Variants in NTPCR observed in about 807,000 individuals in gnomAD.
The protein encoded by NTPCR is cancer-related nucleoside-triphosphatase.
NTPCR carries 15 observed loss-of-function variants against 19.5 expected under a neutral mutation model. The observed-to-expected ratio is 0.77, with a 90% confidence interval of 0.51 to 1.18. NTPCR has a LOEUF of 1.18. NTPCR is among the 50% of genes most tolerant of loss of function. The pLI is 0.00. For synonymous variants in NTPCR, 90 were observed against 95.8 expected, an observed-to-expected ratio of 0.94 and a Z score of 0.36; for missense variants, 206 against 240.4, an observed-to-expected ratio of 0.86 and a Z score of 0.95.
chr1:232,962,255 AT>A (rs975847866), intron 3 of NTPCR: 4 of 152,194 alleles, frequency 2.6e-5, no homozygotes, highest in African/African-American at 7.2e-5. Flanking sequence ...ATTAAAAAAA[AT>A]GTCTTATATG....
chr1:232,964,974 G>A (rs563684345), intron 3 of NTPCR: 3 of 152,244 alleles, frequency 2.0e-5, no homozygotes, highest in South Asian at 4.1e-4. Flanking sequence ...CCGTCTTCTC[G>A]GGGTGTGCTC....
intron 3 of NTPCR, chr1:232,966,596 G>A (rs1321563265): frequency 6.6e-6 from 1 of 152,166 alleles, no homozygotes; most frequent in African/African-American, 2.4e-5. Flanking sequence ...GAAGATATTT[G>A]TTGTTCTAAT....
At chr1:232,968,972 A>G (rs1456834357) in intron 3 of NTPCR, 1 of 152,230 alleles carries the variant, frequency 6.6e-6, no homozygotes, top group East Asian at 1.9e-4. Flanking sequence ...ATATGTTGCT[A>G]TGGAACAAGT....
intron 4 of NTPCR, among the ~76,000 whole-genome samples, chr1:232,972,236 CT>C (rs1427782509): frequency 6.6e-6 from 1 of 152,086 alleles, no homozygotes; most frequent in Non-Finnish European, 1.5e-5. Context: ...CTGACATACC[CT>C]GTTTTTTTTT....
intron 4 of NTPCR, among the ~76,000 whole-genome samples, chr1:232,973,585 C>T (rs1458726200): frequency 2.6e-5 from 4 of 152,268 alleles, no homozygotes; most frequent in Admixed American, 6.5e-5. Context: ...CAGCAGATCT[C>T]AACAGCAAGG....
intron 1 of NTPCR, among the ~76,000 whole-genome samples, chr1:232,951,345 A>G (rs1272940104): frequency 6.6e-6 from 1 of 151,092 alleles, no homozygotes; most frequent in African/African-American, 2.4e-5. Flanking sequence ...CTTCTCAGAC[A>G]CTCTTGCTTG....
rs142773637 is a variant in NTPCR at position 232,955,611 on chromosome 1, G to C, written c.89G>C (p.Gly30Ala). 1.5e-5 allele frequency: 24 copies of C among 1,612,106 alleles called. No individual in the cohort carries two copies. In the African/African-American group the frequency reaches 2.1e-4, roughly 14 times the overall value. Residue 30 changes from glycine to alanine, a missense_variant, in exon 2 of 5, where the codon GGT becomes GCT. Coordinates refer to ENST00000366628, the MANE Select transcript of NTPCR (RefSeq NM_032324.3). ...GCCAGTGAGGTTTTAAAATCCTCTG[G>C]TGTGCCTGTTGATGGATTTTATACC... ...HKASEVLKSS[G>A]VPVDGFYTEE...
chr1:232,981,534 G>A lies in NTPCR; in HGVS notation c.*3303G>A, dbSNP rs746864614. On this transcript the variant is annotated 3_prime_UTR_variant, in exon 5 of 5. Transcript: ENST00000366628. Reference sequence around the variant, plus strand: ...AAACAGGCATTGCATTGCACATTTTGTGGGCAAAGAAGTTGAAGCATCGCA... The same window carrying A: ...AAACAGGCATTGCATTGCACATTTTATGGGCAAAGAAGTTGAAGCATCGCA... The A allele has an allele frequency of 3.3e-5, 5 of 152,142 alleles. No homozygotes were observed. Among genetic ancestry groups the A allele is most frequent in the Non-Finnish European group, 7.3e-5 (5 of 68,028 alleles). The allele number at this position is 152,142 out of a possible 1,614,324, so 9.4% of individuals were successfully genotyped here.
In NTPCR at chr1:232,981,048, G is replaced by A. The variant is rs982266423; in HGVS notation, c.*2817G>A. ...GAATCTCAGCTAGAATAACAAGGTC[G>A]GATGGGAGGAATCAGGACTGATTTG... On this transcript the variant is annotated 3_prime_UTR_variant, in exon 5 of 5. Transcript: ENST00000366628. The A allele has an allele frequency of 6.6e-6, 1 of 152,198 alleles. No individual in the cohort carries two copies. The highest frequency in any genetic ancestry group is 1.5e-5 in the Non-Finnish European group (1 of 68,040). The allele number at this position is 152,198 out of a possible 1,614,324, so 9.4% of individuals were successfully genotyped here. A position where few individuals can be genotyped will look rare whatever the true frequency, so the allele number is the denominator to read the frequency against.
At chr1:232,973,703 G>T (rs951129944) in intron 4 of NTPCR, among the ~76,000 whole-genome samples, 5 of 152,172 alleles carry the variant, frequency 3.3e-5, no homozygotes, top group African/African-American at 1.2e-4. Context: ...GTCTCAGCAA[G>T]AACTGGAAAG....
At chr1:232,976,270 G>C in intron 4 of NTPCR, 1 of 1,410,646 alleles carries the variant, frequency 7.1e-7, no homozygotes. Context: ...TATCATTTTT[G>C]TGGTGATGAC....
chr1:232,981,455 G>C lies in NTPCR; in HGVS notation c.*3224G>C, dbSNP rs550906748. On this transcript the variant is annotated 3_prime_UTR_variant, in exon 5 of 5. Coordinates refer to ENST00000366628, the MANE Select transcript of NTPCR (RefSeq NM_032324.3). ...TGATGGCGGATGCTTGTGTAGCATA[G>C]TGACTTGGGACAAAACAGCATGGTA... The C allele has an allele frequency of 6.6e-6, 1 of 152,368 alleles. No homozygotes were observed. Among genetic ancestry groups the C allele is most frequent in the African/African-American group, 2.4e-5 (1 of 41,568 alleles). 9.4% of individuals were successfully genotyped at this position (152,368 alleles called of 1,614,324 possible).
intron 1 of NTPCR, among the ~76,000 whole-genome samples, chr1:232,953,567 A>G (rs569509061): frequency 7.9e-5 from 12 of 152,218 alleles, no homozygotes; most frequent in Middle Eastern, 3.4e-3. Flanking sequence ...ATAAACGGCA[A>G]TTTTTGTTAG....
chr1:232,973,671 C>T (rs1301292373), intron 4 of NTPCR, among the ~76,000 whole-genome samples: 1 of 152,140 alleles, frequency 6.6e-6, no homozygotes, highest in East Asian at 1.9e-4. Context: ...ATTACAGATA[C>T]ACATGAAACA....
chr1:232,951,171 CAA>C (rs112582853), intron 1 of NTPCR: 64 of 154,374 alleles, frequency 4.1e-4, no homozygotes, highest in African/African-American at 1.4e-3. Context: ...ATTGATCGTG[CAA>C]AAAAAAAATG....
At chr1:232,956,324 G>A in intron 2 of NTPCR, 23 bp from the exon 3 acceptor site, 1 of 1,574,456 alleles carries the variant, frequency 6.4e-7, no homozygotes, top group Non-Finnish European at 8.7e-7. Flanking sequence ...TTTCAACAAA[G>A]AACATAATGT....
At chr1:232,973,797 C>T (rs1320571923) in intron 4 of NTPCR, among the ~76,000 whole-genome samples, 1 of 152,162 alleles carries the variant, frequency 6.6e-6, no homozygotes, top group East Asian at 1.9e-4. Flanking sequence ...ACTGAATGGG[C>T]TCATCAGCAG....
intron 3 of NTPCR, among the ~76,000 whole-genome samples, chr1:232,960,140 G>C (rs1004317831): frequency 3.4e-5 from 5 of 146,672 alleles, no homozygotes; most frequent in African/African-American, 1.3e-4. Flanking sequence ...CTTGAACCCA[G>C]GAAGCAGAGG....
At chr1:232,976,191 A>G in intron 4 of NTPCR, 1 of 821,964 alleles carries the variant, frequency 1.2e-6, no homozygotes, top group Non-Finnish European at 1.7e-6. Context: ...GTACAGTGTG[A>G]TGTTTCAGTG....
Sources: gnomAD v4.1 joint callset for allele counts (sites outside exome capture counted in the v4.1 genomes callset) on GRCh38, gnomAD v4.1.1 for gene constraint, MANE v1.5 for transcripts, NCBI Gene and HGNC (gene_info 2026-07-23, HGNC 2026-07-21) for gene names.